Variants in RSAD2 observed in about 807,000 individuals in gnomAD.
RSAD2 encodes radical S-adenosyl methionine domain containing 2, also known as S-adenosylmethionine-dependent nucleotide dehydratase RSAD2.
RSAD2 carries 38 observed loss-of-function variants against 37.7 expected under a neutral mutation model. The observed-to-expected ratio is 1.01, with a 90% CI of 0.78 to 1.32. The LOEUF (loss-of-function observed/expected upper bound fraction) is 1.32, where lower values mean the gene tolerates loss of function less well. Ranked by LOEUF, RSAD2 falls within the 40% of genes most tolerant of loss-of-function variation. The pLI, the probability that RSAD2 is intolerant of heterozygous loss-of-function variation, is 0.00. For missense variants in RSAD2, 428 were observed against 437.5 expected (o/e 0.98, Z 0.19); for synonymous variants, 163 against 157.4 (o/e 1.04, Z -0.27).
chr2:6,872,218 A>G (rs1663213962), intron 1 of RSAD2, among the ~76,000 whole-genome samples: 1 of 152,210 alleles, frequency 6.6e-6, no homozygotes, highest in African/African-American at 2.4e-5. Flanking sequence ...TGTCTAGATC[A>G]TTTAGAAATA....
chr2:6,866,340 G>A, intron 1 of RSAD2: 1 of 703,218 alleles, frequency 1.4e-6, no homozygotes. Flanking sequence ...GGAACAGGGC[G>A]CAGTTCTGGC....
upstream of RSAD2, chr2:6,876,977 C>T (rs1663292877): frequency 6.6e-6 from 1 of 152,098 alleles, no homozygotes; most frequent in Admixed American, 6.5e-5. Flanking sequence ...AAGCACAAGA[C>T]CACACACTTA....
At chr2:6,887,490 A>C (rs1486636709) in intron 3 of RSAD2, among the ~76,000 whole-genome samples, 1 of 152,224 alleles carries the variant, frequency 6.6e-6, no homozygotes, top group Non-Finnish European at 1.5e-5. Context: ...AGAAAGCCTA[A>C]ATTTATTTTT....
chr2:6,867,970 G>C (rs1394768416), intron 1 of RSAD2, among the ~76,000 whole-genome samples: 1 of 152,142 alleles, frequency 6.6e-6, no homozygotes, highest in African/African-American at 2.4e-5. Context: ...CAAATTTGTA[G>C]GACAGAGACT....
chr2:6,886,647 T>G (rs1663527452), intron 2 of RSAD2, among the ~76,000 whole-genome samples: 1 of 152,252 alleles, frequency 6.6e-6, no homozygotes, highest in African/African-American at 2.4e-5. Flanking sequence ...TATGCAGGAA[T>G]AAATGAAAAA....
Position 6,887,124 on chromosome 2 carries a change from T to TGACG in RSAD2, c.701_704dup (p.Glu235AspfsTer21). The TGACG allele has an allele frequency of 6.3e-7, 1 of 1,599,022 alleles. No individual in the cohort carries two copies. Among genetic ancestry groups the TGACG allele is most frequent in the Non-Finnish European group, 8.6e-7 (1 of 1,169,504 alleles). Reference sequence around the variant, plus strand: ...AATCGTTTCAACGTGGAAGAGGACATGACGGAACAGATCAAAGCACTAAAC... The same window carrying TGACG: ...AATCGTTTCAACGTGGAAGAGGACATGACGGACGGAACAGATCAAAGCACTAAAC... On this transcript the variant is annotated frameshift_variant, in exon 3 of 6. Coordinates refer to ENST00000382040, the MANE Select transcript of RSAD2 (RefSeq NM_080657.5). LOFTEE classifies it high-confidence loss of function.
chr2:6,869,700 T>A lies in RSAD2; in HGVS notation c.142+3655T>A, dbSNP rs1663170503. ...AATGGCTAACAGAGGAAAAGATACT[T>A]AATATCATTGGTCATAAGGGAACTG... On this transcript the variant is annotated intron_variant, in intron 1 of 5. Transcript: ENST00000442639. Among the ~76,000 whole-genome samples the A allele has an allele frequency of 6.0e-5, 9 of 150,994 alleles. 1 individual carries two copies. The South Asian group carries it at 1.9e-3, about 31-fold the overall frequency.
intron 1 of RSAD2, among the ~76,000 whole-genome samples, chr2:6,881,980 G>A (rs1373650615): frequency 6.6e-6 from 1 of 152,200 alleles, no homozygotes; most frequent in African/African-American, 2.4e-5. Context: ...TAAAATGCAG[G>A]CAGGCAGGTA....
intron 2 of RSAD2, among the ~76,000 whole-genome samples, chr2:6,884,538 G>A (rs1005059842): frequency 6.6e-6 from 1 of 152,188 alleles, no homozygotes; most frequent in Non-Finnish European, 1.5e-5. Flanking sequence ...TTTTCTGGGT[G>A]GGTACCCAGC....
chr2:6,892,524 A>G (rs1368016311), intron 4 of RSAD2, among the ~76,000 whole-genome samples: 1 of 152,166 alleles, frequency 6.6e-6, no homozygotes, highest in African/African-American at 2.4e-5. Context: ...TATCATCCCC[A>G]TTGTATACAT....
At chr2:6,886,671 T>C (rs555778195) in intron 2 of RSAD2, among the ~76,000 whole-genome samples, 25 of 152,382 alleles carry the variant, frequency 1.6e-4, no homozygotes, top group African/African-American at 6.0e-4. Context: ...CATTTAAATA[T>C]ATCAGTAAGT....
At chr2:6,895,732 G>C (rs367688572) in intron 5 of RSAD2, 46 bp from the exon 6 acceptor site, 76 of 1,536,476 alleles carry the variant, frequency 4.9e-5, no homozygotes, top group Non-Finnish European at 4.9e-5. Context: ...AGTTTTACAG[G>C]ATTCATCACA....
intron 2 of RSAD2, among the ~76,000 whole-genome samples, chr2:6,886,116 T>C (rs1379193883): frequency 6.6e-6 from 1 of 152,154 alleles, no homozygotes; most frequent in Non-Finnish European, 1.5e-5. Flanking sequence ...GTCACAAAAC[T>C]AGGAAAACTC....
chr2:6,888,272 G>C (rs1198527687), intron 3 of RSAD2, among the ~76,000 whole-genome samples: 1 of 152,222 alleles, frequency 6.6e-6, no homozygotes, highest in Non-Finnish European at 1.5e-5. Flanking sequence ...GTTAGGGGAA[G>C]CTGGAGATGC....
upstream of RSAD2, among the ~76,000 whole-genome samples, chr2:6,876,220 T>C (rs1053638731): frequency 6.6e-6 from 1 of 152,190 alleles, no homozygotes; most frequent in African/African-American, 2.4e-5. Flanking sequence ...GTTTCTGATC[T>C]CCAGATATTT....
At position 6,886,954 on chromosome 2, in the gene RSAD2, C is replaced by T. The variant is rs377000390; in HGVS notation, c.528C>T (p.Leu176=). 58 of 1,613,692 alleles carry T rather than the reference C, an allele frequency of 3.6e-5. No homozygotes were observed. The highest frequency in any genetic ancestry group is 3.4e-4 in the South Asian group (31 of 91,064). The change falls in exon 3 of 6, where the codon CTC becomes CTT. Residue 176 remains leucine (L), a synonymous_variant. Coordinates refer to ENST00000382040, the MANE Select transcript of RSAD2 (RefSeq NM_080657.5). ...FQNYGEYLDI[L]AISCDSFDEE... ...CCTCAGGTGAGTATTTGGACATTCT[C>T]GCTATCTCCTGTGACAGCTTTGACG...
chr2:6,868,676 G>A (rs1353123768), intron 1 of RSAD2, among the ~76,000 whole-genome samples: 1 of 152,170 alleles, frequency 6.6e-6, no homozygotes, highest in African/African-American at 2.4e-5. Flanking sequence ...ATTCATTCTA[G>A]CAATTTGTGG....
chr2:6,867,224 A>G (rs1160308477), intron 1 of RSAD2, among the ~76,000 whole-genome samples: 1 of 152,230 alleles, frequency 6.6e-6, no homozygotes, highest in Non-Finnish European at 1.5e-5. Flanking sequence ...GGCCGCCTAA[A>G]CAATAGAAAA....
intron 2 of RSAD2, among the ~76,000 whole-genome samples, chr2:6,884,909 T>C (rs2103244294): frequency 6.6e-6 from 1 of 152,326 alleles, no homozygotes; most frequent in Middle Eastern, 3.4e-3. Flanking sequence ...TTTTTAGGCA[T>C]TGTGAGGAAC....
Sources: gnomAD v4.1 joint callset for allele counts (sites outside exome capture counted in the v4.1 genomes callset) on GRCh38, gnomAD v4.1.1 for gene constraint, MANE v1.5 for transcripts, NCBI Gene and HGNC (gene_info 2026-07-23, HGNC 2026-07-21) for gene names.